The following COL4A1 variants were observed in gnomAD, a reference collection of about 807,000 sequenced individuals.
COL4A1 encodes collagen alpha-1(IV) chain.
In COL4A1, 40 loss-of-function variants were observed where a neutral mutation model predicts 216.6. The observed-to-expected ratio is 0.18, with a 90% CI of 0.14 to 0.24. The LOEUF is 0.24. Ranked by LOEUF, COL4A1 falls within the 10% of genes least tolerant of loss-of-function variation. COL4A1 has a pLI of 1.00. For synonymous variants in COL4A1, 839 were observed against 810.7 expected, an observed-to-expected ratio of 1.03 and a Z score of -0.59; for missense variants, 1,628 against 2,196.8, an observed-to-expected ratio of 0.74 and a Z score of 5.18.
chr13:110,180,809 C>T (rs907312565), intron 29 of COL4A1, among the ~76,000 whole-genome samples: 1 of 152,154 alleles, frequency 6.6e-6, no homozygotes, highest in East Asian at 1.9e-4. Flanking sequence ...AAGGGGGATG[C>T]TCTTTTGGTG....
rs1876406155 is a variant in COL4A1 at position 110,149,573 on chromosome 13, A to G, written c.*790T>C. ...TGAACAATGAAAACGGATGTTTCAC[A>G]TTCAATATCCTAGTCTTTAAAAACC... On this transcript the variant is annotated 3_prime_UTR_variant, in exon 52 of 52. Transcript: ENST00000375820. The G allele has an allele frequency of 6.6e-6, 1 of 152,670 alleles. No homozygotes were observed. The highest frequency in any genetic ancestry group is 1.5e-5 in the Non-Finnish European group (1 of 68,040). 9.5% of individuals were successfully genotyped at this position (152,670 alleles called of 1,614,324 possible). A position where few individuals can be genotyped will look rare whatever the true frequency, so the allele number is the denominator to read the frequency against.
chr13:110,297,802 C>T (rs189763029), intron 1 of COL4A1, among the ~76,000 whole-genome samples: 11 of 152,240 alleles, frequency 7.2e-5, no homozygotes, highest in Non-Finnish European at 1.5e-4. Context: ...TCAGAGTAAG[C>T]GCTGAACACA....
chr13:110,208,749 CTA>C lies in COL4A1; in HGVS notation c.693+98_693+99del, dbSNP rs35092560. ...TGCAAGAACATGCAGAGAAGAGTAA[CTA>C]TACTTGTAAGAGTCCAGACATTGAT... On this transcript the variant is annotated intron_variant, in intron 12 of 51. Coordinates refer to ENST00000375820, the MANE Select transcript of COL4A1 (RefSeq NM_001845.6). 0.26 allele frequency: 283,288 copies of C among 1,101,012 alleles called. 38,411 individuals carry two copies. Among genetic ancestry groups the C allele is most frequent in the Admixed American group, 0.33 (19,483 of 59,164 alleles). 68.2% of individuals were successfully genotyped at this position (1,101,012 alleles called of 1,614,324 possible).
At chr13:110,249,183 C>A (rs1265036105) in intron 1 of COL4A1, among the ~76,000 whole-genome samples, 2 of 151,918 alleles carry the variant, frequency 1.3e-5, no homozygotes, top group East Asian at 3.9e-4. Flanking sequence ...TGACCTTCTG[C>A]GGGGGTGTGG....
At chr13:110,252,592 A>G (rs1288752290) in intron 1 of COL4A1, among the ~76,000 whole-genome samples, 2 of 44,258 alleles carry the variant, frequency 4.5e-5, no homozygotes, top group South Asian at 6.5e-4. Flanking sequence ...ACGTATAATT[A>G]TACGTATATA....
chr13:110,210,729 G>A (rs188614595), intron 8 of COL4A1, among the ~76,000 whole-genome samples: 1 of 152,316 alleles, frequency 6.6e-6, no homozygotes, highest in African/African-American at 2.4e-5. Flanking sequence ...ACTTAAATCA[G>A]TAGACTCTGA....
At chr13:110,168,025 C>T (rs1298261744) in intron 43 of COL4A1, among the ~76,000 whole-genome samples, 1 of 122,656 alleles carries the variant, frequency 8.2e-6, no homozygotes, top group Non-Finnish European at 1.8e-5. Flanking sequence ...CTTTTTCTTC[C>T]TCTTTTTTTT....
chr13:110,280,014 G>C (rs1383805409), intron 1 of COL4A1, among the ~76,000 whole-genome samples: 1 of 152,104 alleles, frequency 6.6e-6, no homozygotes, highest in Non-Finnish European at 1.5e-5. Context: ...CTCCCTTCCT[G>C]ATATTCCTTT....
At chr13:110,231,381 G>T (rs953078724) in intron 2 of COL4A1, among the ~76,000 whole-genome samples, 1 of 152,226 alleles carries the variant, frequency 6.6e-6, no homozygotes, top group African/African-American at 2.4e-5. Context: ...ACGTCAAACA[G>T]GGAAATGGAA....
intron 1 of COL4A1, among the ~76,000 whole-genome samples, chr13:110,247,835 G>GTGTGTGTGTGTGT (rs765744265): frequency 2.7e-4 from 26 of 96,548 alleles, no homozygotes; most frequent in East Asian, 5.9e-4. Flanking sequence ...GTGTGTGTGT[G>GTGTGTGTGTGTGT]GCAGAGAGAG....
chr13:110,188,374 G>A (rs1445453523), intron 24 of COL4A1, among the ~76,000 whole-genome samples: 2 of 152,336 alleles, frequency 1.3e-5, no homozygotes, highest in South Asian at 4.1e-4. Flanking sequence ...GGTCAACCAA[G>A]GACAGACCAA....
At chr13:110,235,000 A>G (rs1254073650) in intron 2 of COL4A1, among the ~76,000 whole-genome samples, 1 of 152,228 alleles carries the variant, frequency 6.6e-6, no homozygotes, top group Non-Finnish European at 1.5e-5. Context: ...TTGTACACTA[A>G]GGAACACTTT....
rs1878825708 is a variant in COL4A1 at position 110,195,056 on chromosome 13, G to T, written c.1348C>A (p.Gln450Lys). The T allele has an allele frequency of 6.2e-7, 1 of 1,613,974 alleles. No individual in the cohort carries two copies. The highest frequency in any genetic ancestry group is 1.7e-5 in the Admixed American group (1 of 59,992). Residue 450 changes from glutamine (Q) to lysine (K), a missense_variant, in exon 22 of 52, where the codon CAG becomes AAG. Coordinates refer to ENST00000375820, the MANE Select transcript of COL4A1 (RefSeq NM_001845.6). ...CCAATTTCGCCTATAAATCCTGGCTGCCCTGGAATTCCAGGAGGACCCTGG... is the reference window on the plus strand; with the variant it reads ...CCAATTTCGCCTATAAATCCTGGCTTCCCTGGAATTCCAGGAGGACCCTGG... ...GDQGPPGIPG[Q>K]PGFIGEIGEK...
intron 1 of COL4A1, among the ~76,000 whole-genome samples, chr13:110,295,925 G>C (rs537518998): frequency 6.6e-6 from 1 of 152,200 alleles, no homozygotes; most frequent in Non-Finnish European, 1.5e-5. Context: ...GCTTTCTAGC[G>C]GGGAGTGAGC....
At chr13:110,235,595 C>T (rs1004997019) in intron 2 of COL4A1, among the ~76,000 whole-genome samples, 1 of 148,810 alleles carries the variant, frequency 6.7e-6, no homozygotes, top group Non-Finnish European at 1.5e-5. Flanking sequence ...GGAGGTGGAG[C>T]TTGCAGTGAG....
chr13:110,236,362 T>A (rs1407665559), intron 2 of COL4A1, among the ~76,000 whole-genome samples: 2 of 152,260 alleles, frequency 1.3e-5, no homozygotes, highest in Admixed American at 6.5e-5. Context: ...TTATTTTGTA[T>A]GTCCTTGAGA....
At chr13:110,280,781 AGGAGAATTTTCT>A (rs1236659368) in intron 1 of COL4A1, among the ~76,000 whole-genome samples, 1 of 152,188 alleles carries the variant, frequency 6.6e-6, no homozygotes, top group Non-Finnish European at 1.5e-5. Flanking sequence ...ATAAATGTGA[AGGAGAATTTTCT>A]TTCTTTTTTC....
At chr13:110,206,749 G>A (rs754928137) in intron 14 of COL4A1, 34 bp from the exon 15 acceptor site, 39 of 1,611,684 alleles carry the variant, frequency 2.4e-5, no homozygotes, top group South Asian at 3.3e-5. Flanking sequence ...AGATTTATTC[G>A]TCTATTTAAG....
At chr13:110,300,691 T>C (rs1348001865) in intron 1 of COL4A1, among the ~76,000 whole-genome samples, 1 of 152,242 alleles carries the variant, frequency 6.6e-6, no homozygotes, top group Non-Finnish European at 1.5e-5. Context: ...TATCTCTGGC[T>C]GTGGTCCTTG....
Sources: allele counts gnomAD v4.1 joint callset (sites outside exome capture counted in the v4.1 genomes callset), GRCh38; gene constraint gnomAD v4.1.1; transcripts MANE v1.5; gene names NCBI Gene and HGNC (gene_info 2026-07-23, HGNC 2026-07-21).